The following FBXO11 variants were observed in gnomAD, a reference collection of about 807,000 sequenced individuals.
FBXO11 encodes the protein F-box protein 11.
A neutral mutation model predicts 117.0 loss-of-function variants in FBXO11; 13 were observed. The ratio of observed to expected loss-of-function variants is 0.11; its 90% CI spans 0.07 to 0.18. The LOEUF is 0.18. Among genes scored for constraint, FBXO11 ranks in the 10% least tolerant of loss-of-function variants. FBXO11 has a pLI of 1.00. For synonymous variants in FBXO11, 490 were observed against 380.5 expected, an observed-to-expected ratio of 1.29 and a Z score of -3.35; for missense variants, 767 against 1,164.4, an observed-to-expected ratio of 0.66 and a Z score of 4.97.
intron 1 of FBXO11, among the ~76,000 whole-genome samples, chr2:47,887,787 G>A (rs967833226): frequency 7.2e-5 from 11 of 152,248 alleles, no homozygotes; most frequent in African/African-American, 2.2e-4. Flanking sequence ...CTTGAGCCTG[G>A]GAGGCAGAGG....
At chr2:47,864,401 A>G (rs1244203994) in intron 1 of FBXO11, among the ~76,000 whole-genome samples, 2 of 152,218 alleles carry the variant, frequency 1.3e-5, no homozygotes, top group Non-Finnish European at 1.5e-5. Context: ...CAGCCTGGCC[A>G]ACATGGCAAA....
intron 11 of FBXO11, among the ~76,000 whole-genome samples, chr2:47,827,216 C>T (rs1671821051): frequency 6.6e-6 from 1 of 152,136 alleles, no homozygotes; most frequent in African/African-American, 2.4e-5. Flanking sequence ...TTAGAAATGA[C>T]AAAGATTGAT....
chr2:47,905,911 A>T lies in FBXO11; in HGVS notation c.-191T>A. 1 of 597,346 alleles carries T rather than the reference A, an allele frequency of 1.7e-6. No individual in the cohort carries two copies. Among genetic ancestry groups the T allele is most frequent in the Non-Finnish European group, 2.6e-6 (1 of 378,874 alleles). 37.0% of individuals were successfully genotyped at this position (597,346 alleles called of 1,614,324 possible). The stretch of plus-strand genomic sequence containing the variant: ...AGTCCGGAGAAAGGCCCGGGTAGAC[A>T]GACGGAGACCGAGCGAGGCCGGCCG... On this transcript the variant is annotated 5_prime_UTR_variant, in exon 1 of 23. Coordinates refer to ENST00000403359, the MANE Select transcript of FBXO11 (RefSeq NM_001190274.2).
intron 18 of FBXO11, 58 bp downstream of exon 18, chr2:47,813,176 G>C: frequency 6.7e-7 from 1 of 1,502,866 alleles, no homozygotes; most frequent in East Asian, 2.3e-5. Flanking sequence ...GATCATTAAA[G>C]ATATGGAAGA....
intron 11 of FBXO11, among the ~76,000 whole-genome samples, chr2:47,826,279 G>T (rs1157990882): frequency 1.3e-5 from 2 of 151,144 alleles, no homozygotes; most frequent in African/African-American, 4.9e-5. Flanking sequence ...GGATGGTCTC[G>T]ATCTCCTAAC....
At chr2:47,866,823 A>C (rs1675237152) in intron 1 of FBXO11, among the ~76,000 whole-genome samples, 1 of 152,134 alleles carries the variant, frequency 6.6e-6, no homozygotes, top group African/African-American at 2.4e-5. Flanking sequence ...CTTTGAGAAA[A>C]AATACCCACC....
Position 47,868,202 on chromosome 2 carries a change from G to C in FBXO11, c.233-28433C>G, listed in dbSNP as rs796930858. ...GGAGGCTGAGGCAGGAGAATCACTTGAACCCGGGAGGCGGAGGTTGCAGTG... is the reference window on the plus strand; with the variant it reads ...GGAGGCTGAGGCAGGAGAATCACTTCAACCCGGGAGGCGGAGGTTGCAGTG... On this transcript the variant is annotated intron_variant, in intron 1 of 22. Transcript: ENST00000403359. 6.0e-5 allele frequency among the ~76,000 whole-genome samples: 9 copies of C among 148,944 alleles called. 1 individual carries two copies. Among genetic ancestry groups the C allele is most frequent in the African/African-American group, 2.2e-4 (9 of 40,384 alleles).
In FBXO11 at chr2:47,897,793, T is replaced by C. The variant is rs576549290; in HGVS notation, c.232+7696A>G. Among the ~76,000 whole-genome samples the C allele has an allele frequency of 8.6e-5, 13 of 151,678 alleles. No homozygotes were observed. The East Asian group carries it at 1.7e-3, about 20-fold the overall frequency. ...AACTCAACCATCTGGAAAAGGAGTG[T>C]TGTTCACTAGGAAAAAAGAGTAAAA... On this transcript the variant is annotated intron_variant, in intron 1 of 22. Transcript: ENST00000403359.
At chr2:47,849,045 G>A (rs1272017073) in intron 1 of FBXO11, among the ~76,000 whole-genome samples, 4 of 152,184 alleles carry the variant, frequency 2.6e-5, no homozygotes, top group East Asian at 1.9e-4. Flanking sequence ...AAATCTGTGC[G>A]ACTAACAACT....
intron 1 of FBXO11, among the ~76,000 whole-genome samples, chr2:47,897,291 T>A (rs981743260): frequency 3.3e-5 from 5 of 152,030 alleles, no homozygotes; most frequent in African/African-American, 1.2e-4. Flanking sequence ...CCAAGTAGAG[T>A]TGGCAAATCA....
intron 1 of FBXO11, among the ~76,000 whole-genome samples, chr2:47,842,205 G>A (rs913952805): frequency 6.6e-6 from 1 of 151,064 alleles, no homozygotes; most frequent in African/African-American, 2.4e-5. Context: ...TGATAGAGAC[G>A]GGGTTTCACA....
chr2:47,847,300 T>C (rs1673492769), intron 1 of FBXO11, among the ~76,000 whole-genome samples: 1 of 152,124 alleles, frequency 6.6e-6, no homozygotes, highest in Non-Finnish European at 1.5e-5. Context: ...TAGCCTACTG[T>C]TCCTAGGCTG....
intron 4 of FBXO11, 88 bp downstream of exon 4, chr2:47,838,771 A>G: frequency 7.9e-7 from 1 of 1,261,066 alleles, no homozygotes; most frequent in South Asian, 1.4e-5. Flanking sequence ...GTAACTACCA[A>G]CTCACCGCAC....
At chr2:47,838,798 T>C in intron 4 of FBXO11, 61 bp downstream of exon 4, 2 of 1,526,080 alleles carry the variant, frequency 1.3e-6, no homozygotes, top group Non-Finnish European at 9.0e-7. Context: ...TCCTACCATG[T>C]TTAGCATTTT....
chr2:47,900,590 G>A lies in FBXO11; in HGVS notation c.232+4899C>T, dbSNP rs546248011. Among the ~76,000 whole-genome samples, 5 of 108,126 alleles carry A rather than the reference G, an allele frequency of 4.6e-5. No individual in the cohort carries two copies. In the East Asian group the frequency reaches 6.5e-4, roughly 14 times the overall value. 70.9% of individuals were successfully genotyped at this position (108,126 alleles called of 152,430 possible). On this transcript the variant is annotated intron_variant, in intron 1 of 22. Transcript: ENST00000403359. ...TACACACGTATACACACATATATAC[G>A]TATATACACACGTATACACACGTAT... is the stretch of plus-strand genomic sequence containing the variant.
chr2:47,878,887 G>A (rs967009328), intron 1 of FBXO11, among the ~76,000 whole-genome samples: 1 of 151,992 alleles, frequency 6.6e-6, no homozygotes, highest in African/African-American at 2.4e-5. Context: ...GCTGAGGCAG[G>A]AGAATCACTT....
intron 1 of FBXO11, among the ~76,000 whole-genome samples, chr2:47,854,720 G>T (rs1244299386): frequency 1.3e-5 from 2 of 152,110 alleles, no homozygotes; most frequent in Non-Finnish European, 2.9e-5. Context: ...AATTAGGGAG[G>T]AATGAGAATT....
chr2:47,902,801 C>CA (rs1558490013), intron 1 of FBXO11, among the ~76,000 whole-genome samples: 1 of 151,892 alleles, frequency 6.6e-6, no homozygotes, highest in Non-Finnish European at 1.5e-5. Context: ...TAGTTTGTCT[C>CA]AAAACAGCGA....
In FBXO11 at chr2:47,833,117, C is replaced by T. The variant is rs371251048; in HGVS notation, c.935-47G>A. ...GAATATTACCTTTATTCGATTTCAACAGATGGGTATCTTTATGGAGGGGGA... is the reference window on the plus strand; with the variant it reads ...GAATATTACCTTTATTCGATTTCAATAGATGGGTATCTTTATGGAGGGGGA... On this transcript the variant is annotated intron_variant, in intron 7 of 22. Transcript: ENST00000403359. The T allele has an allele frequency of 7.8e-6, 10 of 1,275,348 alleles. No individual in the cohort carries two copies. The East Asian group carries it at 9.3e-5, about 12-fold the overall frequency. 79.0% of individuals were successfully genotyped at this position (1,275,348 alleles called of 1,614,324 possible).
Sources: allele counts gnomAD v4.1 joint callset (sites outside exome capture counted in the v4.1 genomes callset), GRCh38; gene constraint gnomAD v4.1.1; transcripts MANE v1.5; gene names NCBI Gene and HGNC (gene_info 2026-07-23, HGNC 2026-07-21).